LEPR: variants seen among roughly 807,000 people sequenced by gnomAD.
LEPR encodes the protein leptin receptor.
In LEPR, 56 loss-of-function variants were observed where a neutral mutation model predicts 114.7. The ratio of observed to expected loss-of-function variants is 0.49; its 90% CI spans 0.39 to 0.61. LEPR has a LOEUF of 0.61. Among genes scored for constraint, LEPR ranks in the 20% least tolerant of loss-of-function variants. The probability of loss-of-function intolerance (pLI) is 0.00; values close to 1 mark genes in which losing one functional copy is unlikely to be tolerated. For missense variants in LEPR, 1,202 were observed against 1,352.9 expected (o/e 0.89, Z 1.75); for synonymous variants, 443 against 461.4 (o/e 0.96, Z 0.51).
chr1:65,472,029 C>G (rs917000635), intron 2 of LEPR, among the ~76,000 whole-genome samples: 3 of 152,132 alleles, frequency 2.0e-5, no homozygotes, highest in Admixed American at 6.6e-5. Flanking sequence ...TGTAATTACT[C>G]TTTTCATCAC....
rs150644105 is a variant in LEPR, at chr1:65,609,181, A to G, written c.1752+280A>G. ...AAATCAGTTTAGGAAACCCTGTATC[A>G]CTGTATCTTCCTTGTGTAGTCACGG... On this transcript the variant is annotated intron_variant, in intron 12 of 19. Transcript: ENST00000349533. 1.3e-4 allele frequency among the ~76,000 whole-genome samples: 20 copies of G among 152,366 alleles called. No individual in the cohort carries two copies. In the East Asian group the frequency reaches 3.9e-3, roughly 29 times the overall value.
intron 1 of LEPR, among the ~76,000 whole-genome samples, chr1:65,422,228 T>C (rs189212385): frequency 6.6e-6 from 1 of 152,160 alleles, no homozygotes. Context: ...GGTGTCCTTA[T>C]AAGAAGAGGG....
In LEPR at chr1:65,469,970, C is replaced by G. The variant is rs149399487; in HGVS notation, c.-21+44592C>G. On this transcript the variant is annotated intron_variant, in intron 2 of 19. Coordinates refer to ENST00000349533, the MANE Select transcript of LEPR (RefSeq NM_002303.6). Reference sequence around the variant, plus strand: ...TGATGTGAGATTAGGTCAGAGTCAGCCGGGAAGCCTTCTAAAGCGTGGCAT... The same window carrying G: ...TGATGTGAGATTAGGTCAGAGTCAGGCGGGAAGCCTTCTAAAGCGTGGCAT... 2.0e-3 allele frequency among the ~76,000 whole-genome samples: 310 copies of G among 151,658 alleles called. 5 individuals are homozygous for G. Among genetic ancestry groups the G allele is most frequent in the Admixed American group, 0.015 (233 of 15,296 alleles).
intron 2 of LEPR, among the ~76,000 whole-genome samples, chr1:65,497,630 G>T (rs1221444331): frequency 6.6e-6 from 1 of 152,076 alleles, no homozygotes. Context: ...ATTATGAGTG[G>T]GTTGTTTATA....
intron 2 of LEPR, among the ~76,000 whole-genome samples, chr1:65,467,035 A>G (rs1334826844): frequency 6.6e-6 from 1 of 152,156 alleles, no homozygotes; most frequent in Non-Finnish European, 1.5e-5. Context: ...ACTTCTGTCA[A>G]CTGGTCAAAC....
intron 2 of LEPR, among the ~76,000 whole-genome samples, chr1:65,447,272 G>C (rs1646725365): frequency 6.6e-6 from 1 of 151,992 alleles, no homozygotes; most frequent in Admixed American, 6.6e-5. Context: ...TTTGTAAAGG[G>C]TATGAGTGAT....
intron 2 of LEPR, chr1:65,431,894 A>G: frequency 1.2e-6 from 2 of 1,613,984 alleles, no homozygotes; most frequent in South Asian, 1.1e-5. Context: ...GGAAGAGGAG[A>G]TGATTTTAGC....
chr1:65,569,252 C>G (rs933908610), intron 3 of LEPR, among the ~76,000 whole-genome samples: 1 of 152,114 alleles, frequency 6.6e-6, no homozygotes, highest in Non-Finnish European at 1.5e-5. Flanking sequence ...ATTACATTTG[C>G]CAAACTCTTC....
At chr1:65,523,535 T>A (rs565673353) in intron 2 of LEPR, among the ~76,000 whole-genome samples, 1 of 152,330 alleles carries the variant, frequency 6.6e-6, no homozygotes, top group South Asian at 2.1e-4. Context: ...GGTCTTGAAC[T>A]CCTGGGCTCA....
intron 2 of LEPR, among the ~76,000 whole-genome samples, chr1:65,547,696 CT>C (rs1651877826): frequency 6.7e-6 from 1 of 149,844 alleles, no homozygotes; most frequent in East Asian, 1.9e-4. Flanking sequence ...ATTCTTCTCT[CT>C]TTTTTTCTTT....
At chr1:65,606,833 T>G (rs956098454) in intron 11 of LEPR, among the ~76,000 whole-genome samples, 2 of 152,188 alleles carry the variant, frequency 1.3e-5, no homozygotes, top group Non-Finnish European at 2.9e-5. Context: ...TATGAAGAAT[T>G]GAATAATCAT....
At chr1:65,446,037 G>C (rs560237725) in intron 2 of LEPR, among the ~76,000 whole-genome samples, 4 of 152,160 alleles carry the variant, frequency 2.6e-5, no homozygotes, top group Non-Finnish European at 5.9e-5. Context: ...ATGAGATTGC[G>C]TAATGACCAG....
In LEPR at chr1:65,633,692, A is replaced by G. The variant is rs914394014; in HGVS notation, c.2674-2499A>G. ...GATTCCTTTATAGACACGTCAGCCT[A>G]AAAATCAGCCTATTCGGGTGTTCTT... On this transcript the variant is annotated intron_variant, in intron 19 of 19. Transcript: ENST00000349533. The surrounding 1 kb of genome is among the most constrained non-coding windows in gnomAD (Gnocchi z 4.1). 13 of 985,542 alleles carry G rather than the reference A, an allele frequency of 1.3e-5. No homozygotes were observed. The highest frequency in any genetic ancestry group is 1.6e-5 in the Non-Finnish European group (13 of 829,970). The allele number at this position is 985,542 out of a possible 1,614,324, so 61.0% of individuals were successfully genotyped here.
intron 2 of LEPR, among the ~76,000 whole-genome samples, chr1:65,461,534 TA>T (rs1372858912): frequency 1.3e-5 from 2 of 152,166 alleles, no homozygotes; most frequent in Non-Finnish European, 2.9e-5. Flanking sequence ...TTATAAAGTA[TA>T]AATAAATATC....
chr1:65,629,695 GCTGT>G (rs1248271937), intron 19 of LEPR, among the ~76,000 whole-genome samples: 6 of 146,420 alleles, frequency 4.1e-5, no homozygotes, highest in Non-Finnish European at 7.5e-5. Flanking sequence ...TTCTTTTCAT[GCTGT>G]CTTTCTTTCT....
chr1:65,442,481 C>T (rs1646662019), intron 2 of LEPR, among the ~76,000 whole-genome samples: 1 of 152,182 alleles, frequency 6.6e-6, no homozygotes. Flanking sequence ...AAAAACCAAG[C>T]TATAACCCAA....
intron 2 of LEPR, chr1:65,435,544 A>G (rs1325080962): frequency 4.5e-6 from 2 of 445,292 alleles, no homozygotes; most frequent in African/African-American, 2.1e-5. Flanking sequence ...ATTTTTTTGT[A>G]TTTTTAGTAA....
At chr1:65,484,764 G>T (rs977645132) in intron 2 of LEPR, among the ~76,000 whole-genome samples, 6 of 152,180 alleles carry the variant, frequency 3.9e-5, no homozygotes, top group African/African-American at 1.4e-4. Context: ...ATGAGATCAA[G>T]ATTTGTTTAG....
chr1:65,578,448 C>T (rs1654750636), intron 5 of LEPR: 1 of 209,188 alleles, frequency 4.8e-6, no homozygotes. Context: ...TTCCAGGACT[C>T]AGGCTGTGGC....
Sources: allele counts gnomAD v4.1 joint callset (sites outside exome capture counted in the v4.1 genomes callset), GRCh38; gene constraint gnomAD v4.1.1; non-coding constraint Gnocchi (gnomAD v3.1); transcripts MANE v1.5; gene names NCBI Gene and HGNC (gene_info 2026-07-23, HGNC 2026-07-21).